Variants in TRIM14 observed in about 807,000 individuals in gnomAD.
The protein encoded by TRIM14 is tripartite motif containing 14, also known as tripartite motif-containing protein 14.
In TRIM14, 28 loss-of-function variants were observed where a neutral mutation model predicts 44.5. That is an observed-to-expected ratio of 0.63 (90% CI 0.47 to 0.86). TRIM14 has a LOEUF of 0.86. Among genes scored for constraint, TRIM14 ranks in the 40% least tolerant of loss-of-function variants. The probability of loss-of-function intolerance (pLI) is 0.00; values close to 1 mark genes in which losing one functional copy is unlikely to be tolerated. For synonymous variants in TRIM14, 299 were observed against 269.2 expected, an observed-to-expected ratio of 1.11 and a Z score of -1.08; for missense variants, 607 against 611.1, an observed-to-expected ratio of 0.99 and a Z score of 0.07.
At position 98,110,004 on chromosome 9, in the gene TRIM14, GA is replaced by G. The variant is rs768647184; in HGVS notation, c.208-21del. On this transcript the variant is annotated intron_variant, in intron 1 of 5. Coordinates refer to ENST00000341469, the MANE Select transcript of TRIM14 (RefSeq NM_014788.4). ...GAGTTTCTGTACAGGAGGGAGTTAG[GA>G]AAAAAGTCGTAATACTGTCACTTTC... 9.4e-6 allele frequency: 15 copies of G among 1,590,438 alleles called. No homozygotes were observed. Among genetic ancestry groups the G allele is most frequent in the Middle Eastern group, 1.7e-4 (1 of 6,026 alleles).
At chr9:98,047,702 G>C in the TRIM14 span, among the ~76,000 whole-genome samples, 2,133 of 152,174 alleles carry the variant, frequency 0.014, 50 homozygotes, top group African/African-American at 0.049. Context: ...GATAGCTAAT[G>C]GCAATTATGG....
At chr9:98,066,969 A>G (rs567558606), downstream of TRIM14, among the ~76,000 whole-genome samples, 6 of 152,290 alleles carry the variant, frequency 3.9e-5, no homozygotes, top group African/African-American at 1.4e-4. Context: ...CTGTCTCTAT[A>G]AATTTGCCTA....
At chr9:98,105,715 A>C (rs1826585830) in intron 2 of TRIM14, among the ~76,000 whole-genome samples, 1 of 152,224 alleles carries the variant, frequency 6.6e-6, no homozygotes, top group African/African-American at 2.4e-5. Flanking sequence ...CCAGAGGTGC[A>C]TGCATGCAGA....
chr9:98,055,381 C>T, the TRIM14 span, among the ~76,000 whole-genome samples: 1 of 152,116 alleles, frequency 6.6e-6, no homozygotes, highest in Middle Eastern at 3.2e-3. Flanking sequence ...GCCAGGAGTG[C>T]TGATTGGTTG....
intron 6 of TRIM14, among the ~76,000 whole-genome samples, chr9:98,073,572 CGCGCCTG>C (rs1313642545): frequency 6.6e-6 from 1 of 150,610 alleles, no homozygotes; most frequent in Non-Finnish European, 1.5e-5. Context: ...CGTGAGCCAC[CGCGCCTG>C]GCCTGGGCTT....
chr9:98,110,041 G>GC, intron 1 of TRIM14, 57 bp from the exon 2 acceptor site: 2 of 1,343,618 alleles, frequency 1.5e-6, no homozygotes, highest in South Asian at 1.2e-5. Context: ...CAAATAACAG[G>GC]CCCCCCACAG....
At chr9:98,088,061 G>GC in intron 5 of TRIM14, 56 bp from the exon 6 acceptor site, 1 of 1,393,448 alleles carries the variant, frequency 7.2e-7, no homozygotes, top group Non-Finnish European at 9.2e-7. Context: ...GCGGCGCCCC[G>GC]CCCCCGGGAA....
the TRIM14 span, among the ~76,000 whole-genome samples, chr9:98,038,125 A>G: frequency 6.6e-6 from 1 of 151,972 alleles, no homozygotes; most frequent in African/African-American, 2.4e-5. Context: ...ATCTCGGCTC[A>G]CTGCAACCTC....
In TRIM14 at chr9:98,087,319, G is replaced by T; in HGVS notation, c.*151C>A. On this transcript the variant is annotated 3_prime_UTR_variant, in exon 6 of 6. Coordinates refer to ENST00000341469, the MANE Select transcript of TRIM14 (RefSeq NM_014788.4). ...TAGCCTAGGAGAGGAAACCTTCAAA[G>T]CACTGTAGGCGTGATTGGTCGGGGA... The T allele has an allele frequency of 8.2e-7, 1 of 1,215,164 alleles. No homozygotes were observed. The highest frequency in any genetic ancestry group is 1.2e-6 in the Non-Finnish European group (1 of 816,550). 75.3% of individuals were successfully genotyped at this position (1,215,164 alleles called of 1,614,324 possible). A position where few individuals can be genotyped will look rare whatever the true frequency, so the allele number is the denominator to read the frequency against.
At chr9:98,113,951 A>G (rs1826953498) in intron 1 of TRIM14, among the ~76,000 whole-genome samples, 1 of 152,168 alleles carries the variant, frequency 6.6e-6, no homozygotes, top group Admixed American at 6.6e-5. Context: ...TTCTATATCA[A>G]GTGTTTTAAA....
intron 3 of TRIM14, among the ~76,000 whole-genome samples, chr9:98,097,934 C>T (rs1052866989): frequency 1.3e-5 from 2 of 152,200 alleles, no homozygotes; most frequent in African/African-American, 4.8e-5. Flanking sequence ...CCTAGGAAAA[C>T]ACTTCATCCA....
chr9:98,039,019 C>T, the TRIM14 span, among the ~76,000 whole-genome samples: 2 of 151,844 alleles, frequency 1.3e-5, no homozygotes, highest in African/African-American at 4.8e-5. Context: ...CACTGCACCC[C>T]AGCCTGGCGA....
At chr9:98,068,651 A>G (rs918304223), downstream of TRIM14, among the ~76,000 whole-genome samples, 1 of 113,126 alleles carries the variant, frequency 8.8e-6, no homozygotes, top group Non-Finnish European at 1.9e-5. Flanking sequence ...CCCATCTATT[A>G]AAAAAAAAAA....
chr9:98,099,245 G>C (rs1826299085), intron 3 of TRIM14, among the ~76,000 whole-genome samples: 1 of 151,778 alleles, frequency 6.6e-6, no homozygotes, highest in Non-Finnish European at 1.5e-5. Flanking sequence ...CTGAGGTCAG[G>C]AGTTCAAGAC....
chr9:98,076,925 T>G lies in TRIM14; in HGVS notation c.*29-7238A>C, dbSNP rs200564294. Reference sequence around the variant, plus strand: ...CCTCTTTGATTTTTGTAGATGGCAGTTGAATTCCTGCATGAACTGAATGTT... The same window carrying G: ...CCTCTTTGATTTTTGTAGATGGCAGGTGAATTCCTGCATGAACTGAATGTT... On this transcript the variant is annotated intron_variant, in intron 6 of 6. Transcript: ENST00000375098. The G allele has an allele frequency of 5.6e-6, 9 of 1,610,212 alleles. No homozygotes were observed. In the Admixed American group the frequency reaches 1.0e-4, roughly 18 times the overall value.
intron 2 of TRIM14, among the ~76,000 whole-genome samples, chr9:98,101,198 CT>C (rs34912460): frequency 0.023 from 3,478 of 152,190 alleles, 64 homozygotes; most frequent in South Asian, 0.037. Flanking sequence ...TGGTCTTGAA[CT>C]TCTGACCTCA....
At chr9:98,065,005 C>T (rs1221667566), downstream of TRIM14, among the ~76,000 whole-genome samples, 1 of 152,134 alleles carries the variant, frequency 6.6e-6, no homozygotes, top group Non-Finnish European at 1.5e-5. Context: ...GCCCTGCAAC[C>T]TGGGGCAGGG....
At chr9:98,088,130 G>T in intron 5 of TRIM14, 125 bp from the exon 6 acceptor site, 1 of 1,132,394 alleles carries the variant, frequency 8.8e-7, no homozygotes, top group Non-Finnish European at 1.2e-6. Context: ...CAAGGAAGGG[G>T]TGACAGACCC....
rs1283201740 is a variant in TRIM14, at chr9:98,084,606, G to C, written c.*2864C>G. The C allele has an allele frequency of 6.6e-6, 1 of 152,204 alleles. No homozygotes were observed. The highest frequency in any genetic ancestry group is 1.5e-5 in the Non-Finnish European group (1 of 68,046). 9.4% of individuals were successfully genotyped at this position (152,204 alleles called of 1,614,324 possible). A position where few individuals can be genotyped will look rare whatever the true frequency, so the allele number is the denominator to read the frequency against. ...GGAATACCAGTAGTCTCAGCACTCG[G>C]TCAGTACCGTGCAAGCTCCCTTGGG... On this transcript the variant is annotated 3_prime_UTR_variant, in exon 6 of 6. Coordinates refer to ENST00000341469, the MANE Select transcript of TRIM14 (RefSeq NM_014788.4).
Sources: allele counts gnomAD v4.1 joint callset (sites outside exome capture counted in the v4.1 genomes callset), GRCh38; gene constraint gnomAD v4.1.1; transcripts MANE v1.5; gene names NCBI Gene and HGNC (gene_info 2026-07-23, HGNC 2026-07-21).